HS6ST3: variants seen among roughly 807,000 people sequenced by gnomAD.
The protein encoded by HS6ST3 is heparan sulfate 6-O-sulfotransferase 3, also known as heparan-sulfate 6-O-sulfotransferase 3.
HS6ST3 carries 12 observed loss-of-function variants against 36.7 expected under a neutral mutation model. That is an observed-to-expected ratio of 0.33 (90% CI 0.21 to 0.53). The LOEUF (loss-of-function observed/expected upper bound fraction) is 0.53. Among genes scored for constraint, HS6ST3 ranks in the 20% least tolerant of loss-of-function variants. The probability of loss-of-function intolerance (pLI) is 0.95; values close to 1 mark genes in which losing one functional copy is unlikely to be tolerated. For synonymous variants in HS6ST3, 240 were observed against 257.5 expected (o/e 0.93, Z 0.65); for missense variants, 584 against 640.9 (o/e 0.91, Z 0.96).
At chr13:96,783,907 C>T (rs1877581642) in intron 1 of HS6ST3, among the ~76,000 whole-genome samples, 1 of 152,038 alleles carries the variant, frequency 6.6e-6, no homozygotes, top group Admixed American at 6.6e-5. Flanking sequence ...CACGGTGCTG[C>T]ACCCCAGCAC....
chr13:96,744,216 G>A (rs1336394930), intron 1 of HS6ST3, among the ~76,000 whole-genome samples: 1 of 151,894 alleles, frequency 6.6e-6, no homozygotes, highest in African/African-American at 2.4e-5. Context: ...TCCATAAGGA[G>A]TGTAATTTTC....
At chr13:96,663,536 A>G (rs985538630) in intron 1 of HS6ST3, among the ~76,000 whole-genome samples, 1 of 152,220 alleles carries the variant, frequency 6.6e-6, no homozygotes, top group Non-Finnish European at 1.5e-5. Flanking sequence ...AACTGAAACT[A>G]TCATCCATTT....
intron 1 of HS6ST3, among the ~76,000 whole-genome samples, chr13:96,380,158 G>A (rs944598554): frequency 1.3e-5 from 2 of 152,104 alleles, no homozygotes; most frequent in African/African-American, 4.8e-5. Flanking sequence ...TTCAGTGTTG[G>A]TGGTGAACAG....
intron 1 of HS6ST3, among the ~76,000 whole-genome samples, chr13:96,189,272 G>A (rs938668482): frequency 6.6e-6 from 1 of 152,048 alleles, no homozygotes; most frequent in Non-Finnish European, 1.5e-5. Context: ...TTCGTGAGTG[G>A]GGGCCGAATA....
chr13:96,761,007 T>C (rs1876958156), intron 1 of HS6ST3, among the ~76,000 whole-genome samples: 1 of 152,186 alleles, frequency 6.6e-6, no homozygotes, highest in Non-Finnish European at 1.5e-5. Flanking sequence ...CCAATGCTCT[T>C]GCTAAAAAGA....
chr13:96,241,377 T>G (rs1311877486), intron 1 of HS6ST3, among the ~76,000 whole-genome samples: 1 of 152,138 alleles, frequency 6.6e-6, no homozygotes, highest in Non-Finnish European at 1.5e-5. Flanking sequence ...ATGTAGAACA[T>G]TGCCTCATTC....
chr13:96,729,512 A>G (rs1364361010), intron 1 of HS6ST3, among the ~76,000 whole-genome samples: 1 of 152,162 alleles, frequency 6.6e-6, no homozygotes, highest in Non-Finnish European at 1.5e-5. Flanking sequence ...GCTGGAGTGC[A>G]GTGGCCCGAT....
chr13:96,132,491 C>T (rs146749866), intron 1 of HS6ST3, among the ~76,000 whole-genome samples: 9 of 152,024 alleles, frequency 5.9e-5, no homozygotes, highest in African/African-American at 1.7e-4. Flanking sequence ...ACTACAGCCT[C>T]GACCTTACAG....
At chr13:96,813,684 A>G (rs1878365752) in intron 1 of HS6ST3, among the ~76,000 whole-genome samples, 1 of 152,182 alleles carries the variant, frequency 6.6e-6, no homozygotes, top group Non-Finnish European at 1.5e-5. Flanking sequence ...TCTGGCCTTC[A>G]ATGTAGCATA....
At chr13:96,209,167 T>G (rs927515227) in intron 1 of HS6ST3, among the ~76,000 whole-genome samples, 1 of 152,178 alleles carries the variant, frequency 6.6e-6, no homozygotes, top group African/African-American at 2.4e-5. Context: ...GATGGAAAGA[T>G]GGATTGTCTA....
intron 1 of HS6ST3, among the ~76,000 whole-genome samples, chr13:96,694,778 T>C (rs1875074084): frequency 6.6e-6 from 1 of 152,212 alleles, no homozygotes. Context: ...TTTGCATTTC[T>C]CTAATGATCA....
chr13:96,660,970 T>C (rs147581832), intron 1 of HS6ST3, among the ~76,000 whole-genome samples: 34 of 152,254 alleles, frequency 2.2e-4, no homozygotes, highest in Non-Finnish European at 3.1e-4. Context: ...GCCTTCATCT[T>C]TCTTTTGTGT....
At chr13:96,411,483 G>A (rs892031477) in intron 1 of HS6ST3, among the ~76,000 whole-genome samples, 6 of 152,168 alleles carry the variant, frequency 3.9e-5, no homozygotes, top group Non-Finnish European at 7.4e-5. Context: ...CATTTTGGTG[G>A]GAGTAGAGCT....
At chr13:96,226,944 A>G (rs1009900358) in intron 1 of HS6ST3, among the ~76,000 whole-genome samples, 1 of 152,218 alleles carries the variant, frequency 6.6e-6, no homozygotes, top group African/African-American at 2.4e-5. Flanking sequence ...TTGGTGCTCC[A>G]TCGTGATGTT....
chr13:96,308,514 A>G (rs1355778568), intron 1 of HS6ST3, among the ~76,000 whole-genome samples: 1 of 152,122 alleles, frequency 6.6e-6, no homozygotes, highest in Non-Finnish European at 1.5e-5. Flanking sequence ...ATGAGTAGAT[A>G]TTTGCATCAG....
intron 1 of HS6ST3, among the ~76,000 whole-genome samples, chr13:96,158,019 A>T (rs1389836719): frequency 1.3e-5 from 2 of 152,210 alleles, no homozygotes; most frequent in South Asian, 4.1e-4. Context: ...TTACTGGTGT[A>T]CACAAAGTGG....
At chr13:96,364,489 G>A (rs1378027380) in intron 1 of HS6ST3, among the ~76,000 whole-genome samples, 3 of 152,214 alleles carry the variant, frequency 2.0e-5, no homozygotes, top group Admixed American at 1.3e-4. Flanking sequence ...ACTATGCTAA[G>A]TAAAACAAGC....
At position 96,099,842 on chromosome 13, in the gene HS6ST3, G is replaced by A. The variant is rs542377722; in HGVS notation, c.707+8273G>A. ...TATTTAAGCGTAAACCTGAGAGATG[G>A]CATCTGTATTTTGTGGACTCTAGGA... is the stretch of plus-strand genomic sequence containing the variant. On this transcript the variant is annotated intron_variant, in intron 1 of 1. Coordinates refer to ENST00000376705, the MANE Select transcript of HS6ST3 (RefSeq NM_153456.4). Among the ~76,000 whole-genome samples the A allele has an allele frequency of 2.6e-5, 4 of 152,282 alleles. No individual in the cohort carries two copies. The East Asian group carries it at 5.8e-4, about 22-fold the overall frequency.
chr13:96,550,426 C>A (rs1280983774), intron 1 of HS6ST3, among the ~76,000 whole-genome samples: 1 of 152,150 alleles, frequency 6.6e-6, no homozygotes, highest in Non-Finnish European at 1.5e-5. Flanking sequence ...GTACAGTCTG[C>A]AGAACTGTGA....
Sources: gnomAD v4.1 joint callset for allele counts (sites outside exome capture counted in the v4.1 genomes callset) on GRCh38, gnomAD v4.1.1 for gene constraint, MANE v1.5 for transcripts, NCBI Gene and HGNC (gene_info 2026-07-23, HGNC 2026-07-21) for gene names.